The following ASAP1 variants were observed in gnomAD, a reference collection of about 807,000 sequenced individuals.
ASAP1 encodes ArfGAP with SH3 domain, ankyrin repeat and PH domain 1.
A neutral mutation model predicts 145.2 loss-of-function variants in ASAP1; 43 were observed. That is an observed-to-expected ratio of 0.30 (90% CI 0.23 to 0.38). The LOEUF is 0.38. Among genes scored for constraint, ASAP1 ranks in the 10% least tolerant of loss-of-function variants. ASAP1 has a pLI of 1.00. For missense variants in ASAP1, 1,018 were observed against 1,355.3 expected, an observed-to-expected ratio of 0.75 and a Z score of 3.91; for synonymous variants, 546 against 515.5, an observed-to-expected ratio of 1.06 and a Z score of -0.80.
intron 4 of ASAP1, among the ~76,000 whole-genome samples, chr8:130,215,941 AGGAAAGG>A (rs1816878772): frequency 6.6e-6 from 1 of 151,008 alleles, no homozygotes; most frequent in South Asian, 2.1e-4. Flanking sequence ...AAAGAAAGAA[AGGAAAGG>A]GGAAAGGGGA....
chr8:130,170,731 A>ATC (rs140376720), intron 9 of ASAP1, among the ~76,000 whole-genome samples: 35 of 149,898 alleles, frequency 2.3e-4, no homozygotes, highest in East Asian at 1.6e-3. Flanking sequence ...GTAAAGCCTC[A>ATC]TCTCTCTCTC....
chr8:130,063,796 G>A (rs1175678042), intron 27 of ASAP1, among the ~76,000 whole-genome samples: 2 of 152,200 alleles, frequency 1.3e-5, no homozygotes, highest in Non-Finnish European at 2.9e-5. Flanking sequence ...CCTATTTGCT[G>A]GGCATGTGCC....
At chr8:130,398,760 C>T (rs910959662) in intron 2 of ASAP1, among the ~76,000 whole-genome samples, 1 of 152,208 alleles carries the variant, frequency 6.6e-6, no homozygotes, top group Non-Finnish European at 1.5e-5. Context: ...CAGGAAGAAG[C>T]CGAGGCACAG....
intron 3 of ASAP1, among the ~76,000 whole-genome samples, chr8:130,314,550 A>C (rs1371021843): frequency 6.6e-6 from 1 of 152,232 alleles, no homozygotes; most frequent in African/African-American, 2.4e-5. Context: ...TATCAAGGAT[A>C]ACAGAGTTAA....
intron 15 of ASAP1, among the ~76,000 whole-genome samples, chr8:130,130,868 C>CA (rs2097581834): frequency 6.6e-6 from 1 of 151,594 alleles, no homozygotes; most frequent in South Asian, 2.1e-4. Context: ...ACATAGATCT[C>CA]ATTTTAAAAA....
At chr8:130,105,816 T>C (rs144013348) in intron 24 of ASAP1, among the ~76,000 whole-genome samples, 4,171 of 152,282 alleles carry the variant, frequency 0.027, 72 homozygotes, top group African/African-American at 0.045. Context: ...TGCCCGGGCA[T>C]GATATGTGCC....
At chr8:130,068,304 C>A (rs1220707477) in intron 27 of ASAP1, among the ~76,000 whole-genome samples, 2 of 152,146 alleles carry the variant, frequency 1.3e-5, no homozygotes, top group Non-Finnish European at 2.9e-5. Flanking sequence ...GAGCTTAGTC[C>A]ACTAGCCTTA....
At chr8:130,191,840 G>C (rs1489117344) in intron 5 of ASAP1, among the ~76,000 whole-genome samples, 1 of 152,130 alleles carries the variant, frequency 6.6e-6, no homozygotes, top group African/African-American at 2.4e-5. Context: ...AAGATAATGA[G>C]GGAGCAGAGA....
At chr8:130,335,125 T>C (rs1824949832) in intron 3 of ASAP1, among the ~76,000 whole-genome samples, 1 of 152,220 alleles carries the variant, frequency 6.6e-6, no homozygotes, top group Admixed American at 6.5e-5. Context: ...GCATACTTTT[T>C]GCCTATTACT....
At chr8:130,334,353 C>T (rs945939365) in intron 3 of ASAP1, among the ~76,000 whole-genome samples, 40 of 152,176 alleles carry the variant, frequency 2.6e-4, no homozygotes, top group African/African-American at 9.2e-4. Context: ...AATGCCAGCT[C>T]TTCATTCATT....
chr8:130,301,150 T>C (rs1057430431), intron 3 of ASAP1, among the ~76,000 whole-genome samples: 2 of 152,230 alleles, frequency 1.3e-5, no homozygotes, highest in African/African-American at 2.4e-5. Context: ...CTTTATATTT[T>C]ATCCAGACTA....
intron 5 of ASAP1, among the ~76,000 whole-genome samples, chr8:130,203,443 C>T (rs954977438): frequency 6.6e-6 from 1 of 152,188 alleles, no homozygotes; most frequent in African/African-American, 2.4e-5. Flanking sequence ...CTGAAAAAAG[C>T]ACCAGGCTGG....
intron 5 of ASAP1, among the ~76,000 whole-genome samples, chr8:130,203,487 TG>T (rs1412520848): frequency 2.6e-5 from 4 of 151,728 alleles, no homozygotes; most frequent in Non-Finnish European, 4.4e-5. Context: ...AGATCTGGAG[TG>T]GTGGCCTTGT....
intron 2 of ASAP1, among the ~76,000 whole-genome samples, chr8:130,394,421 A>C (rs971887949): frequency 1.1e-4 from 16 of 152,140 alleles, no homozygotes; most frequent in Non-Finnish European, 1.6e-4. Flanking sequence ...CCGCCTAATA[A>C]ATTTTGGTCA....
chr8:130,122,626 A>G (rs149849016), intron 18 of ASAP1, among the ~76,000 whole-genome samples: 34 of 152,370 alleles, frequency 2.2e-4, no homozygotes, highest in African/African-American at 7.2e-4. Flanking sequence ...ACAGACAATT[A>G]AAGTTACTTG....
intron 3 of ASAP1, among the ~76,000 whole-genome samples, chr8:130,309,246 C>T (rs143136463): frequency 6.6e-6 from 1 of 152,188 alleles, no homozygotes; most frequent in Non-Finnish European, 1.5e-5. Context: ...AAATGGTGGA[C>T]ACAGAGAGAC....
chr8:130,109,224 C>T (rs1214438079), intron 24 of ASAP1, among the ~76,000 whole-genome samples: 2 of 151,980 alleles, frequency 1.3e-5, no homozygotes, highest in East Asian at 3.9e-4. Flanking sequence ...GGTTAGGCAG[C>T]GAAGTGTTTC....
Position 130,138,697 on chromosome 8 carries a change from G to A in ASAP1, c.1081-1659C>T, listed in dbSNP as rs551086537. 6.2e-4 allele frequency among the ~76,000 whole-genome samples: 95 copies of A among 152,108 alleles called. 1 individual carries two copies. The highest frequency in any genetic ancestry group is 1.3e-3 in the African/African-American group (54 of 41,504). On this transcript the variant is annotated intron_variant, in intron 13 of 29. Transcript: ENST00000518721. Reference sequence around the variant, plus strand: ...ACTAAAAATACAAAATTAGCCGGGCGTGGTGTCGGGTGCCTGTAATCCCAG... The same window carrying A: ...ACTAAAAATACAAAATTAGCCGGGCATGGTGTCGGGTGCCTGTAATCCCAG...
chr8:130,342,648 G>GT (rs1194926355), intron 3 of ASAP1, among the ~76,000 whole-genome samples: 4 of 152,262 alleles, frequency 2.6e-5, no homozygotes, highest in Admixed American at 2.6e-4. Flanking sequence ...AACACAAAAC[G>GT]TAACAAACTC....
Sources: allele counts gnomAD v4.1 joint callset (sites outside exome capture counted in the v4.1 genomes callset), GRCh38; gene constraint gnomAD v4.1.1; transcripts MANE v1.5; gene names NCBI Gene and HGNC (gene_info 2026-07-23, HGNC 2026-07-21).